The following KCND3 variants were observed in gnomAD, a reference collection of about 807,000 sequenced individuals.
KCND3 encodes the protein A-type voltage-gated potassium channel KCND3.
Under a neutral mutation model 51.1 loss-of-function variants are expected in KCND3, and 9 were observed. That is an observed-to-expected ratio of 0.18 (90% CI 0.11 to 0.31). The LOEUF (loss-of-function observed/expected upper bound fraction) is 0.31, where lower values mean the gene tolerates loss of function less well. KCND3 is among the 10% of genes least tolerant of loss of function. The pLI, the probability that KCND3 is intolerant of heterozygous loss-of-function variation, is 1.00. For missense variants in KCND3, 526 were observed against 903.8 expected, an observed-to-expected ratio of 0.58 and a Z score of 5.36; for synonymous variants, 349 against 368.0, an observed-to-expected ratio of 0.95 and a Z score of 0.59.
chr1:111,784,103 TCACACACACACACA>T (rs369429634), intron 3 of KCND3, among the ~76,000 whole-genome samples: 67 of 117,482 alleles, frequency 5.7e-4, no homozygotes, highest in Non-Finnish European at 5.8e-4. Flanking sequence ...CATTAACTTA[TCACACACACACACA>T]CACACACACA....
chr1:111,849,477 A>C (rs1667710375), intron 2 of KCND3, among the ~76,000 whole-genome samples: 1 of 152,184 alleles, frequency 6.6e-6, no homozygotes, highest in Non-Finnish European at 1.5e-5. Context: ...TGAAAGGAAC[A>C]CCTGTGGCTT....
chr1:111,861,370 T>A (rs1668333251), intron 2 of KCND3, among the ~76,000 whole-genome samples: 3 of 152,152 alleles, frequency 2.0e-5, no homozygotes. Context: ...AGAGGTACTT[T>A]ATGTGTAGAT....
chr1:111,827,130 T>C (rs1890427), intron 2 of KCND3, among the ~76,000 whole-genome samples: 82,029 of 152,154 alleles, frequency 0.54, 24,617 homozygotes, highest in Non-Finnish European at 0.67. Flanking sequence ...TTCCAGTTTT[T>C]GGATGGGAAA....
At chr1:111,838,337 T>C (rs548418512) in intron 2 of KCND3, among the ~76,000 whole-genome samples, 53 of 152,356 alleles carry the variant, frequency 3.5e-4, no homozygotes, top group African/African-American at 1.3e-3. Context: ...CCCAGGTATG[T>C]GCTATGGATG....
intron 2 of KCND3, among the ~76,000 whole-genome samples, chr1:111,944,645 G>A (rs979966057): frequency 1.5e-4 from 23 of 152,360 alleles, no homozygotes; most frequent in Middle Eastern, 3.4e-3. Flanking sequence ...ATCTGTTCAC[G>A]TGTCATCTCC....
chr1:111,843,416 C>G (rs943187185), intron 2 of KCND3, among the ~76,000 whole-genome samples: 1 of 152,218 alleles, frequency 6.6e-6, no homozygotes, highest in Admixed American at 6.5e-5. Flanking sequence ...ATGGCATGGG[C>G]CCCAAGCTCC....
At chr1:111,956,183 C>T (rs537182894) in intron 2 of KCND3, among the ~76,000 whole-genome samples, 2 of 151,942 alleles carry the variant, frequency 1.3e-5, no homozygotes, top group African/African-American at 2.4e-5. Context: ...CCTTGGAGAC[C>T]GCTTTGAGGG....
At chr1:111,868,810 ACT>A (rs1211485215) in intron 2 of KCND3, among the ~76,000 whole-genome samples, 1 of 152,148 alleles carries the variant, frequency 6.6e-6, no homozygotes, top group Non-Finnish European at 1.5e-5. Context: ...ATCATGGCTC[ACT>A]GCAACCTTGA....
chr1:111,937,677 A>G (rs1391071564), intron 2 of KCND3, among the ~76,000 whole-genome samples: 1 of 152,180 alleles, frequency 6.6e-6, no homozygotes, highest in Non-Finnish European at 1.5e-5. Flanking sequence ...CAGGGCATAA[A>G]GTCCAGGAAC....
At chr1:111,921,910 A>C (rs1476407360) in intron 2 of KCND3, among the ~76,000 whole-genome samples, 1 of 152,188 alleles carries the variant, frequency 6.6e-6, no homozygotes, top group African/African-American at 2.4e-5. Context: ...CTGGGGAGAT[A>C]ATGTGGATGC....
At chr1:111,840,060 C>T (rs934387534) in intron 2 of KCND3, among the ~76,000 whole-genome samples, 55 of 152,304 alleles carry the variant, frequency 3.6e-4, no homozygotes, top group Middle Eastern at 6.8e-3. Flanking sequence ...AGGGCCTGAT[C>T]GTCAGAGATG....
At chr1:111,853,166 C>A (rs760538513) in intron 2 of KCND3, among the ~76,000 whole-genome samples, 5 of 152,186 alleles carry the variant, frequency 3.3e-5, no homozygotes, top group Non-Finnish European at 7.3e-5. Flanking sequence ...ACAGGGTGAG[C>A]CCATTGTGCT....
intron 2 of KCND3, among the ~76,000 whole-genome samples, chr1:111,836,359 G>A (rs1259107596): frequency 2.6e-5 from 4 of 152,164 alleles, no homozygotes; most frequent in East Asian, 1.9e-4. Flanking sequence ...GCACCAGCCC[G>A]ATCGCACTCC....
intron 2 of KCND3, among the ~76,000 whole-genome samples, chr1:111,904,953 G>A (rs1670574533): frequency 6.6e-6 from 1 of 152,212 alleles, no homozygotes; most frequent in Admixed American, 6.5e-5. Flanking sequence ...GCCACCTGCA[G>A]AGGGGGCAGC....
At chr1:111,859,660 G>T (rs563380086) in intron 2 of KCND3, among the ~76,000 whole-genome samples, 1 of 152,300 alleles carries the variant, frequency 6.6e-6, no homozygotes, top group South Asian at 2.1e-4. Flanking sequence ...CCTACATCTT[G>T]CATGCTACAA....
At chr1:111,804,258 A>G (rs913224983) in intron 2 of KCND3, among the ~76,000 whole-genome samples, 3 of 152,236 alleles carry the variant, frequency 2.0e-5, no homozygotes, top group Non-Finnish European at 2.9e-5. Context: ...CCCTGGCAGC[A>G]TGCTCTCCTT....
At chr1:111,849,597 G>A (rs1245063378) in intron 2 of KCND3, among the ~76,000 whole-genome samples, 1 of 152,252 alleles carries the variant, frequency 6.6e-6, no homozygotes, top group African/African-American at 2.4e-5. Context: ...AAGCCGAGGA[G>A]TCCAGGTAGC....
intron 1 of KCND3, chr1:111,989,238 AAG>A (rs1675491987): frequency 6.6e-6 from 1 of 152,232 alleles, no homozygotes; most frequent in Non-Finnish European, 1.5e-5. Flanking sequence ...GGCCAATGGA[AAG>A]AGGGCAGAGG....
intron 2 of KCND3, among the ~76,000 whole-genome samples, chr1:111,868,018 A>C (rs1467111661): frequency 6.6e-6 from 1 of 152,228 alleles, no homozygotes; most frequent in Non-Finnish European, 1.5e-5. Context: ...ATTTCAATGA[A>C]AGAGGCCCAT....
Sources: allele counts gnomAD v4.1 joint callset (sites outside exome capture counted in the v4.1 genomes callset), GRCh38; gene constraint gnomAD v4.1.1; transcripts MANE v1.5; gene names NCBI Gene and HGNC (gene_info 2026-07-23, HGNC 2026-07-21).